The following LDB2 variants were observed in gnomAD, a reference collection of about 807,000 sequenced individuals.
The protein encoded by LDB2 is LIM domain binding 2.
Under a neutral mutation model 44.3 loss-of-function variants are expected in LDB2, and 12 were observed. That is an observed-to-expected ratio of 0.27 (90% CI 0.17 to 0.44). The LOEUF is 0.44. Ranked by LOEUF, LDB2 falls within the 20% of genes least tolerant of loss-of-function variation. LDB2 has a pLI of 1.00. For synonymous variants in LDB2, 164 were observed against 174.8 expected (o/e 0.94, Z 0.49); for missense variants, 344 against 473.5 (o/e 0.73, Z 2.54).
At chr4:16,646,501 C>G (rs1736827947) in intron 2 of LDB2, among the ~76,000 whole-genome samples, 1 of 152,114 alleles carries the variant, frequency 6.6e-6, no homozygotes, top group African/African-American at 2.4e-5. Flanking sequence ...TTGCTTTGGC[C>G]AAAGGAATGT....
intron 2 of LDB2, among the ~76,000 whole-genome samples, chr4:16,731,452 G>T (rs1411763774): frequency 6.6e-6 from 1 of 152,086 alleles, no homozygotes; most frequent in African/African-American, 2.4e-5. Flanking sequence ...CCACCTGATG[G>T]ATCAGTACCC....
At chr4:16,643,961 C>G (rs1015751493) in intron 2 of LDB2, among the ~76,000 whole-genome samples, 1 of 152,182 alleles carries the variant, frequency 6.6e-6, no homozygotes, top group Admixed American at 6.5e-5. Flanking sequence ...TCTTTGGTCT[C>G]TCCTAAACAA....
intron 1 of LDB2, among the ~76,000 whole-genome samples, chr4:16,842,800 T>A (rs1168610027): frequency 1.3e-5 from 2 of 152,200 alleles, no homozygotes; most frequent in Non-Finnish European, 2.9e-5. Flanking sequence ...AGAGGTCAGG[T>A]TCTGGAACTG....
At chr4:16,799,233 G>A (rs1306809253) in intron 1 of LDB2, among the ~76,000 whole-genome samples, 1 of 152,214 alleles carries the variant, frequency 6.6e-6, no homozygotes, top group African/African-American at 2.4e-5. Flanking sequence ...CATGAATGAT[G>A]CAATCCTGTA....
At chr4:16,756,026 G>T (rs1466412823) in intron 2 of LDB2, among the ~76,000 whole-genome samples, 2 of 152,218 alleles carry the variant, frequency 1.3e-5, no homozygotes, top group African/African-American at 4.8e-5. Flanking sequence ...AAGAGATGGA[G>T]CACGTGGAGG....
chr4:16,826,239 G>C lies in LDB2; in HGVS notation c.133-66979C>G, dbSNP rs79240073. 9.4e-3 allele frequency among the ~76,000 whole-genome samples: 1,431 copies of C among 152,216 alleles called. 26 individuals are homozygous for C. The highest frequency in any genetic ancestry group is 0.033 in the African/African-American group (1,367 of 41,538). On this transcript the variant is annotated intron_variant, in intron 1 of 7. Coordinates refer to ENST00000304523, the MANE Select transcript of LDB2 (RefSeq NM_001290.5). ...TAAAACAATATTCGAATCATAATTG[G>C]ACAGGTTGATTTTAAATCACATAAT...
intron 1 of LDB2, among the ~76,000 whole-genome samples, chr4:16,812,307 A>C (rs779413729): frequency 6.6e-6 from 1 of 152,066 alleles, no homozygotes; most frequent in Non-Finnish European, 1.5e-5. Context: ...TTCTTTCTAG[A>C]TTACTTTCTC....
chr4:16,720,251 A>G (rs1340081034), intron 2 of LDB2, among the ~76,000 whole-genome samples: 2 of 148,944 alleles, frequency 1.3e-5, no homozygotes, highest in East Asian at 2.1e-4. Context: ...CTAGATAATG[A>G]GAGGTGGAGG....
intron 1 of LDB2, among the ~76,000 whole-genome samples, chr4:16,831,304 TA>T (rs1784045310): frequency 6.7e-6 from 1 of 149,954 alleles, no homozygotes; most frequent in Non-Finnish European, 1.5e-5. Flanking sequence ...AATACAGAGA[TA>T]AAGTAAGAGG....
intron 1 of LDB2, among the ~76,000 whole-genome samples, chr4:16,869,881 G>A (rs1715960044): frequency 6.6e-6 from 1 of 152,190 alleles, no homozygotes; most frequent in Non-Finnish European, 1.5e-5. Context: ...GATCTAGAAA[G>A]TCAATGTGGT....
intron 5 of LDB2, among the ~76,000 whole-genome samples, chr4:16,579,256 T>G (rs1281030607): frequency 1.3e-5 from 2 of 152,234 alleles, no homozygotes; most frequent in African/African-American, 4.8e-5. Context: ...TTATGATGCA[T>G]TACATGCCTG....
intron 5 of LDB2, among the ~76,000 whole-genome samples, chr4:16,518,082 A>G (rs921265813): frequency 1.3e-5 from 2 of 152,188 alleles, no homozygotes; most frequent in Admixed American, 6.5e-5. Context: ...ATGCATATGT[A>G]TGTCCTGGCC....
At chr4:16,619,892 A>C (rs970399525) in intron 2 of LDB2, among the ~76,000 whole-genome samples, 1 of 151,970 alleles carries the variant, frequency 6.6e-6, no homozygotes, top group African/African-American at 2.4e-5. Flanking sequence ...ATAGTAAGGA[A>C]AATTAAAAAG....
At chr4:16,531,312 C>T (rs901241292) in intron 5 of LDB2, among the ~76,000 whole-genome samples, 3 of 151,418 alleles carry the variant, frequency 2.0e-5, no homozygotes, top group Admixed American at 6.6e-5. Flanking sequence ...TCCTCTGGTA[C>T]TTCCCTGTCA....
intron 2 of LDB2, among the ~76,000 whole-genome samples, chr4:16,749,569 A>G (rs1401075929): frequency 7.2e-6 from 1 of 138,560 alleles, no homozygotes; most frequent in African/African-American, 2.8e-5. Context: ...AAAAAAAAAA[A>G]AAATAAAAAA....
At chr4:16,725,261 C>T (rs1019317303) in intron 2 of LDB2, among the ~76,000 whole-genome samples, 24 of 151,840 alleles carry the variant, frequency 1.6e-4, no homozygotes, top group Admixed American at 2.6e-4. Flanking sequence ...CACACACACA[C>T]GCACACACAC....
At chr4:16,711,934 T>C (rs1227581884) in intron 2 of LDB2, among the ~76,000 whole-genome samples, 2 of 152,138 alleles carry the variant, frequency 1.3e-5, no homozygotes, top group Non-Finnish European at 2.9e-5. Flanking sequence ...AATGTAATAA[T>C]AAATTTAAAG....
chr4:16,812,593 T>TATATATATATATAC (rs2109867342), intron 1 of LDB2, among the ~76,000 whole-genome samples: 1 of 114,786 alleles, frequency 8.7e-6, no homozygotes, highest in African/African-American at 3.1e-5. Flanking sequence ...TATATATATA[T>TATATATATATATAC]ATATATATAT....
chr4:16,887,463 G>A (rs1269700462), intron 1 of LDB2, among the ~76,000 whole-genome samples: 2 of 152,122 alleles, frequency 1.3e-5, no homozygotes, highest in African/African-American at 4.8e-5. Flanking sequence ...GACTGTTTAA[G>A]TTTAATTTCA....
Sources: gnomAD v4.1 joint callset for allele counts (sites outside exome capture counted in the v4.1 genomes callset) on GRCh38, gnomAD v4.1.1 for gene constraint, MANE v1.5 for transcripts, NCBI Gene and HGNC (gene_info 2026-07-23, HGNC 2026-07-21) for gene names.